Variants in TMEM266 observed in about 807,000 individuals in gnomAD.
TMEM266 encodes the protein transmembrane protein 266.
Under a neutral mutation model 50.5 loss-of-function variants are expected in TMEM266, and 33 were observed. That is an observed-to-expected ratio of 0.65 (90% CI 0.50 to 0.87). The LOEUF (loss-of-function observed/expected upper bound fraction) is 0.87. Ranked by LOEUF, TMEM266 falls within the 40% of genes least tolerant of loss-of-function variation. The pLI is 0.00. For synonymous variants in TMEM266, 310 were observed against 292.3 expected, an observed-to-expected ratio of 1.06 and a Z score of -0.62; for missense variants, 655 against 695.1, an observed-to-expected ratio of 0.94 and a Z score of 0.65.
At position 76,083,205 on chromosome 15, in the gene TMEM266, A is replaced by G. The variant is rs191556026; in HGVS notation, c.-97+23189A>G. ...CACGTGCTAGGTGCAATGACAAGCA[A>G]TGGGGAACCGTCAGGGGTGCTGATA... On this transcript the variant is annotated intron_variant, in intron 1 of 10. Coordinates refer to ENST00000388942, the MANE Select transcript of TMEM266 (RefSeq NM_152335.3). Among the ~76,000 whole-genome samples, 11 of 151,036 alleles carry G rather than the reference A, an allele frequency of 7.3e-5. No individual in the cohort carries two copies. In the East Asian group the frequency reaches 1.8e-3, roughly 24 times the overall value.
chr15:76,081,114 A>G (rs1318834774), intron 1 of TMEM266, among the ~76,000 whole-genome samples: 1 of 152,016 alleles, frequency 6.6e-6, no homozygotes. Flanking sequence ...CAGCTGCCTC[A>G]CCTATAATCA....
chr15:76,165,772 G>C (rs542563512), intron 5 of TMEM266, among the ~76,000 whole-genome samples: 1 of 152,314 alleles, frequency 6.6e-6, no homozygotes, highest in East Asian at 1.9e-4. Context: ...CCAGAGATCC[G>C]GCCAGTGTCA....
chr15:76,154,336 T>A (rs1168800454), intron 3 of TMEM266, among the ~76,000 whole-genome samples: 1 of 152,206 alleles, frequency 6.6e-6, no homozygotes, highest in Non-Finnish European at 1.5e-5. Context: ...AGTTTCAGTC[T>A]GGGGTTTCCT....
chr15:76,074,373 G>A lies in TMEM266; in HGVS notation c.-97+14357G>A, dbSNP rs936082022. 1.1e-4 allele frequency among the ~76,000 whole-genome samples: 16 copies of A among 151,986 alleles called. 1 individual carries two copies. Among genetic ancestry groups the A allele is most frequent in the African/African-American group, 3.6e-4 (15 of 41,278 alleles). ...CTGTGCAGTCGTCACCACCATCCAC[G>A]TCTGGAATTCTTTTCGCCTTGCAAA... On this transcript the variant is annotated intron_variant, in intron 1 of 10. Transcript: ENST00000388942.
intron 8 of TMEM266, among the ~76,000 whole-genome samples, chr15:76,185,444 T>C (rs2038478565): frequency 6.6e-6 from 1 of 152,254 alleles, no homozygotes; most frequent in African/African-American, 2.4e-5. Context: ...TCAGATACTG[T>C]ATATCAAGAT....
At chr15:76,073,448 G>T (rs777292506) in intron 1 of TMEM266, among the ~76,000 whole-genome samples, 1 of 152,172 alleles carries the variant, frequency 6.6e-6, no homozygotes, top group Non-Finnish European at 1.5e-5. Flanking sequence ...GGCCAGGCTG[G>T]TCTCGAACTC....
At chr15:76,187,594 T>C (rs943327488) in intron 8 of TMEM266, among the ~76,000 whole-genome samples, 10 of 152,246 alleles carry the variant, frequency 6.6e-5, no homozygotes, top group Non-Finnish European at 1.5e-4. Flanking sequence ...GCTTTCTCAC[T>C]CTGTGAGCCC....
At chr15:76,133,245 C>G (rs1282762875) in intron 1 of TMEM266, among the ~76,000 whole-genome samples, 2 of 152,068 alleles carry the variant, frequency 1.3e-5, no homozygotes, top group Non-Finnish European at 2.9e-5. Flanking sequence ...ACCAGCCTGA[C>G]CAACATGGAG....
chr15:76,152,722 CCAT>C (rs1400522668), intron 3 of TMEM266, among the ~76,000 whole-genome samples: 1 of 152,196 alleles, frequency 6.6e-6, no homozygotes, highest in African/African-American at 2.4e-5. Context: ...GCTCTGACCA[CCAT>C]ATTTAAAATG....
intron 8 of TMEM266, among the ~76,000 whole-genome samples, chr15:76,190,744 G>A (rs1164522413): frequency 6.6e-6 from 1 of 152,226 alleles, no homozygotes; most frequent in Non-Finnish European, 1.5e-5. Context: ...CTGTGAAAGT[G>A]ATACTGTCGT....
chr15:76,082,937 C>G (rs2036716905), intron 1 of TMEM266, among the ~76,000 whole-genome samples: 2 of 151,886 alleles, frequency 1.3e-5, no homozygotes, highest in Admixed American at 1.3e-4. Context: ...CCATTGCACT[C>G]CAGGCTGGGC....
intron 1 of TMEM266, among the ~76,000 whole-genome samples, chr15:76,098,589 T>G (rs1461208836): frequency 1.3e-5 from 2 of 152,124 alleles, no homozygotes; most frequent in East Asian, 3.9e-4. Context: ...AGTCTGACCC[T>G]TAGCAGAGCT....
In TMEM266 at chr15:76,161,479, C is replaced by CTG. The variant is rs1470795945; in HGVS notation, c.456+1312_456+1313insGT. On this transcript the variant is annotated intron_variant, in intron 5 of 10. Coordinates refer to ENST00000388942, the MANE Select transcript of TMEM266 (RefSeq NM_152335.3). This position sits in a 1 kb window ranked among gnomAD's most constrained non-coding sequence, Gnocchi z 4.1. ...ATGGCTCTGCTCTCTCTCTCTCTCT[C>CTG]TCCCTAAAAATCAGGAGGGAGCTGG... Among the ~76,000 whole-genome samples the CTG allele has an allele frequency of 3.9e-5, 6 of 152,090 alleles. No homozygotes were observed. Among genetic ancestry groups the CTG allele is most frequent in the Admixed American group, 1.3e-4 (2 of 15,282 alleles).
intron 1 of TMEM266, among the ~76,000 whole-genome samples, chr15:76,123,156 C>A (rs1386091407): frequency 6.6e-6 from 1 of 152,150 alleles, no homozygotes; most frequent in African/African-American, 2.4e-5. Flanking sequence ...AGCAGATTTG[C>A]AGCTAATAAT....
intron 7 of TMEM266, among the ~76,000 whole-genome samples, chr15:76,172,512 C>T (rs1475835819): frequency 6.6e-6 from 1 of 152,240 alleles, no homozygotes; most frequent in Non-Finnish European, 1.5e-5. Flanking sequence ...TCTCCCTGGG[C>T]CTCACCCTAT....
chr15:76,142,141 C>T (rs2037688967), intron 3 of TMEM266, among the ~76,000 whole-genome samples: 1 of 152,236 alleles, frequency 6.6e-6, no homozygotes, highest in South Asian at 2.1e-4. Context: ...GTAATCCCAG[C>T]ACTTTGGGAG....
rs76273719 is a variant in TMEM266 at position 76,185,630 on chromosome 15, C to G, written c.769-6338C>G. On this transcript the variant is annotated intron_variant, in intron 8 of 10. Transcript: ENST00000388942. ...TCAGCTTCTATTAACTGTTTTATGGCTTGATAACCACATGTTTTTCTGCTT... is the reference window on the plus strand; with the variant it reads ...TCAGCTTCTATTAACTGTTTTATGGGTTGATAACCACATGTTTTTCTGCTT... 7.4e-4 allele frequency among the ~76,000 whole-genome samples: 113 copies of G among 152,298 alleles called. 2 individuals carry two copies. The East Asian group carries it at 0.015, about 20-fold the overall frequency.
chr15:76,097,110 TA>T (rs1218496735), intron 1 of TMEM266, among the ~76,000 whole-genome samples: 1 of 151,970 alleles, frequency 6.6e-6, no homozygotes, highest in Admixed American at 6.5e-5. Context: ...TTAGCCTGTT[TA>T]CATTTAAGGT....
chr15:76,141,621 G>A (rs2037680125), intron 3 of TMEM266, among the ~76,000 whole-genome samples: 1 of 152,126 alleles, frequency 6.6e-6, no homozygotes, highest in Non-Finnish European at 1.5e-5. Context: ...CCATTCCTAA[G>A]CGTAGGCTTC....
Sources: allele counts gnomAD v4.1 joint callset (sites outside exome capture counted in the v4.1 genomes callset), GRCh38; gene constraint gnomAD v4.1.1; non-coding constraint Gnocchi (gnomAD v3.1); transcripts MANE v1.5; gene names NCBI Gene and HGNC (gene_info 2026-07-23, HGNC 2026-07-21).